The following AR variants were observed in gnomAD, a reference collection of about 807,000 sequenced individuals.
AR encodes the protein dihydrotestosterone receptor.
Under a neutral mutation model 53.9 loss-of-function variants are expected in AR, and 8 were observed. The observed-to-expected ratio is 0.15, with a 90% CI of 0.09 to 0.27. AR has a LOEUF of 0.27. Among genes scored for constraint, AR ranks in the 10% least tolerant of loss-of-function variants. The pLI is 1.00. For missense variants in AR, 639 were observed against 742.5 expected (o/e 0.86, Z 1.62); for synonymous variants, 359 against 316.4 (o/e 1.13, Z -1.43).
intron 1 of AR, among the ~76,000 whole-genome samples, chrX:67,578,063 AG>A (rs1438618154): frequency 9.0e-6 from 1 of 111,565 alleles, no homozygotes; most frequent in Non-Finnish European, 1.9e-5. Context: ...TTAGCACTGA[AG>A]CCCCCCACTT....
At chrX:67,689,189 A>C (rs185124801) in intron 3 of AR, among the ~76,000 whole-genome samples, 15 of 111,371 alleles carry the variant, frequency 1.3e-4, no homozygotes, top group Non-Finnish European at 2.3e-4. Context: ...ATTGTTTTTC[A>C]GCCCTTTCTT....
At chrX:67,631,866 C>T (rs769926939) in intron 1 of AR, among the ~76,000 whole-genome samples, 8 of 112,202 alleles carry the variant, frequency 7.1e-5, no homozygotes, top group African/African-American at 2.6e-4. Context: ...GAGACAGGAC[C>T]CTCAGCTGCA....
intron 2 of AR, among the ~76,000 whole-genome samples, chrX:67,649,437 G>T (rs1382772137): frequency 8.9e-6 from 1 of 111,993 alleles, no homozygotes; most frequent in Non-Finnish European, 1.9e-5. Context: ...CTAGATCCTT[G>T]AGGAATCTCC....
At chrX:67,690,119 G>A (rs1476564254) in intron 3 of AR, among the ~76,000 whole-genome samples, 1 of 111,921 alleles carries the variant, frequency 8.9e-6, no homozygotes, top group Non-Finnish European at 1.9e-5. Context: ...TCAGGTAGCA[G>A]CCAAACCCCA....
intron 1 of AR, among the ~76,000 whole-genome samples, chrX:67,552,312 A>G (rs953315712): frequency 1.8e-4 from 20 of 112,278 alleles, no homozygotes; most frequent in Non-Finnish European, 7.5e-5. Context: ...CACATAAAAT[A>G]TGTTTTCAAG....
At position 67,696,153 on chromosome X, in the gene AR, C is replaced by CT. The variant is rs2076020039; in HGVS notation, c.1885+10035dup. The CT allele has an allele frequency of 1.6e-5, 11 of 698,877 alleles. No individual in the cohort carries two copies. The East Asian group carries it at 8.3e-4, about 53-fold the overall frequency. 57.6% of individuals were successfully genotyped at this position (698,877 alleles called of 1,213,427 possible). ...GGATCTTTTTTCTTTTTTTTTTTTC[C>CT]TTTTTTTTCTCTCTCGTTTGCTTTC... On this transcript the variant is annotated intron_variant, in intron 3 of 7. Coordinates refer to ENST00000374690, the MANE Select transcript of AR (RefSeq NM_000044.6).
At chrX:67,663,331 A>G (rs960668213) in intron 2 of AR, among the ~76,000 whole-genome samples, 2 of 111,754 alleles carry the variant, frequency 1.8e-5, no homozygotes, top group African/African-American at 6.5e-5. Flanking sequence ...TGGTGACAAA[A>G]TTTCTCAGCA....
At position 67,722,816 on chromosome X, in the gene AR, T is replaced by A. The variant is rs199968384; in HGVS notation, c.2450-11T>A. ...GCTTCCCCTCCCCATTCTGTCTTCA[T>A]CCCACATCAGTTCCAGTGGATGGGC... On this transcript the variant is annotated splice_polypyrimidine_tract_variant and intron_variant, in intron 6 of 7. Coordinates refer to ENST00000374690, the MANE Select transcript of AR (RefSeq NM_000044.6). 93 of 1,209,060 alleles carry A rather than the reference T, an allele frequency of 7.7e-5. No individual in the cohort carries two copies. Among genetic ancestry groups the A allele is most frequent in the Non-Finnish European group, 9.5e-5 (85 of 894,703 alleles).
intron 2 of AR, among the ~76,000 whole-genome samples, chrX:67,661,167 A>T (rs1167944577): frequency 9.0e-6 from 1 of 111,533 alleles, no homozygotes; most frequent in Non-Finnish European, 1.9e-5. Flanking sequence ...AAACAGAGAC[A>T]ATTTGACTTC....
rs188422276 is a variant in AR, at chrX:67,585,431, G to A, written c.1616+38669G>A. 8.1e-5 allele frequency among the ~76,000 whole-genome samples: 9 copies of A among 111,551 alleles called. No homozygotes were observed. In the Admixed American group the frequency reaches 8.6e-4, roughly 11 times the overall value. ...ATAGCATGATATAACTTGTCATTTGGCTTCCTTTATAAACATTATCAACTA... is the reference window on the plus strand; with the variant it reads ...ATAGCATGATATAACTTGTCATTTGACTTCCTTTATAAACATTATCAACTA... On this transcript the variant is annotated intron_variant, in intron 1 of 7. Transcript: ENST00000374690.
intron 1 of AR, 111 bp downstream of exon 1, chrX:67,546,873 G>A: frequency 1.1e-6 from 1 of 896,476 alleles, no homozygotes; most frequent in Non-Finnish European, 1.6e-6. Context: ...GCCCCTGGGA[G>A]AGCTCAGCAG....
At chrX:67,649,965 A>G (rs1407479651) in intron 2 of AR, among the ~76,000 whole-genome samples, 1 of 111,723 alleles carries the variant, frequency 9.0e-6, no homozygotes, top group Non-Finnish European at 1.9e-5. Context: ...CACAATTGCT[A>G]CAAAGAGAAT....
intron 1 of AR, among the ~76,000 whole-genome samples, chrX:67,614,386 A>T (rs182602305): frequency 8.9e-6 from 1 of 112,040 alleles, no homozygotes; most frequent in African/African-American, 3.2e-5. Flanking sequence ...AATTAAAAAT[A>T]AAAAAATCAT....
intron 3 of AR, among the ~76,000 whole-genome samples, chrX:67,707,117 A>G (rs1477752992): frequency 1.8e-5 from 2 of 111,808 alleles, no homozygotes; most frequent in Non-Finnish European, 3.8e-5. Context: ...AGAAGAATGT[A>G]TATTCTGTTG....
At chrX:67,698,225 C>T (rs1275242351) in intron 3 of AR, among the ~76,000 whole-genome samples, 1 of 112,176 alleles carries the variant, frequency 8.9e-6, no homozygotes, top group Non-Finnish European at 1.9e-5. Flanking sequence ...TCCCCTGACT[C>T]ACAATCCAGT....
intron 1 of AR, among the ~76,000 whole-genome samples, chrX:67,556,691 A>T (rs184863586): frequency 5.4e-5 from 6 of 111,397 alleles, no homozygotes; most frequent in Non-Finnish European, 1.1e-4. Context: ...GGGTATAGAG[A>T]TTGATGGTGA....
chrX:67,697,302 C>A (rs760486430), intron 3 of AR, among the ~76,000 whole-genome samples: 1 of 111,524 alleles, frequency 9.0e-6, no homozygotes, highest in East Asian at 2.8e-4. Flanking sequence ...AGAAAGTTCA[C>A]CTGCTTGGGG....
At chrX:67,630,795 G>T (rs1255308694) in intron 1 of AR, among the ~76,000 whole-genome samples, 3 of 110,715 alleles carry the variant, frequency 2.7e-5, no homozygotes, top group African/African-American at 9.9e-5. Flanking sequence ...TCCTTTCCAT[G>T]TTTAGTGCTT....
intron 1 of AR, among the ~76,000 whole-genome samples, chrX:67,614,756 T>C (rs1924036331): frequency 1.8e-5 from 2 of 111,486 alleles, no homozygotes; most frequent in Non-Finnish European, 3.8e-5. Context: ...ACAAAGATGT[T>C]GAAATTCACT....
Sources: gnomAD v4.1 joint callset for allele counts (sites outside exome capture counted in the v4.1 genomes callset) on GRCh38, gnomAD v4.1.1 for gene constraint, MANE v1.5 for transcripts, NCBI Gene and HGNC (gene_info 2026-07-23, HGNC 2026-07-21) for gene names.